Variants in SH3BGR observed in about 807,000 individuals in gnomAD.
SH3BGR encodes the protein SH3 domain-binding glutamic acid-rich protein.
A neutral mutation model predicts 24.5 loss-of-function variants in SH3BGR; 29 were observed. That is an observed-to-expected ratio of 1.18 (90% CI 0.88 to 1.61). The LOEUF is 1.61. Among genes scored for constraint, SH3BGR ranks in the 40% most tolerant of loss-of-function variants. The probability of loss-of-function intolerance (pLI) is 0.00; values close to 1 mark genes in which losing one functional copy is unlikely to be tolerated. For synonymous variants in SH3BGR, 55 were observed against 65.7 expected (o/e 0.84, Z 0.79); for missense variants, 162 against 205.8 (o/e 0.79, Z 1.30).
chr21:39,450,931 C>T (rs2077566252), upstream of SH3BGR, among the ~76,000 whole-genome samples: 1 of 151,994 alleles, frequency 6.6e-6, no homozygotes, highest in Non-Finnish European at 1.5e-5. Context: ...CTCAGCCTTC[C>T]AAGTCGCTGG....
chr21:39,470,597 A>G (rs940528234), intron 2 of SH3BGR, among the ~76,000 whole-genome samples: 1 of 152,070 alleles, frequency 6.6e-6, no homozygotes, highest in Non-Finnish European at 1.5e-5. Flanking sequence ...AGACACTTTC[A>G]CCCTAATCAC....
chr21:39,452,027 T>G lies in SH3BGR; in HGVS notation c.-70T>G. On this transcript the variant is annotated 5_prime_UTR_variant, in exon 1 of 7. Transcript: ENST00000333634. ...TGGCACTTGCTTGCCTGTGTCACTGTCAGGATTTGTCTAGCGGCGCATTCC... is the reference window on the plus strand; with the variant it reads ...TGGCACTTGCTTGCCTGTGTCACTGGCAGGATTTGTCTAGCGGCGCATTCC... The G allele has an allele frequency of 1.2e-6, 2 of 1,614,142 alleles. No homozygotes were observed. Among genetic ancestry groups the G allele is most frequent in the East Asian group, 4.5e-5 (2 of 44,876 alleles).
chr21:39,467,612 AAAT>A (rs1355457502), intron 2 of SH3BGR, among the ~76,000 whole-genome samples: 74 of 152,340 alleles, frequency 4.9e-4, no homozygotes, highest in African/African-American at 1.8e-3. Context: ...TGCAGGCTCA[AAAT>A]AATGTTAGTC....
At chr21:39,474,889 G>GT (rs1264100466) in intron 2 of SH3BGR, among the ~76,000 whole-genome samples, 5 of 35,152 alleles carry the variant, frequency 1.4e-4, no homozygotes, top group Non-Finnish European at 2.5e-4. Context: ...GCATGGGTAG[G>GT]GGTGTGTGTG....
intron 3 of SH3BGR, among the ~76,000 whole-genome samples, chr21:39,497,213 T>C (rs1459972990): frequency 6.6e-6 from 1 of 150,660 alleles, no homozygotes; most frequent in Non-Finnish European, 1.5e-5. Context: ...ATATATAGGA[T>C]AGTGTAGAAA....
chr21:39,455,302 C>T (rs1452277983), intron 1 of SH3BGR, among the ~76,000 whole-genome samples: 1 of 152,204 alleles, frequency 6.6e-6, no homozygotes, highest in Non-Finnish European at 1.5e-5. Context: ...CCAAAGGCTC[C>T]AAACAATGAC....
intron 1 of SH3BGR, among the ~76,000 whole-genome samples, chr21:39,460,755 A>T (rs1236190766): frequency 2.6e-5 from 4 of 152,128 alleles, no homozygotes; most frequent in Non-Finnish European, 5.9e-5. Flanking sequence ...GGTGTGAGCC[A>T]CCGCACCCAG....
chr21:39,496,266 C>CGAG (rs763990488), intron 3 of SH3BGR, among the ~76,000 whole-genome samples: 8 of 151,652 alleles, frequency 5.3e-5, no homozygotes, highest in Non-Finnish European at 1.0e-4. Flanking sequence ...TTTGGGAGGC[C>CGAG]GAGGCGGGTG....
chr21:39,469,713 G>A lies in SH3BGR; in HGVS notation c.232-5422G>A, dbSNP rs1324196291. On this transcript the variant is annotated intron_variant, in intron 2 of 6. Coordinates refer to ENST00000333634, the MANE Select transcript of SH3BGR (RefSeq NM_007341.3). Reference sequence around the variant, plus strand: ...TTGTTGCCCAGGCTGGAGTGCAGTGGCCCGATCTCAGCTCATTGCAACCTC... The same window carrying A: ...TTGTTGCCCAGGCTGGAGTGCAGTGACCCGATCTCAGCTCATTGCAACCTC... Among the ~76,000 whole-genome samples the A allele has an allele frequency of 2.0e-5, 3 of 151,796 alleles. No individual in the cohort carries two copies. In the East Asian group the frequency reaches 5.8e-4, roughly 29 times the overall value.
At chr21:39,514,640 G>C (rs1048849098) in intron 6 of SH3BGR, among the ~76,000 whole-genome samples, 2 of 152,140 alleles carry the variant, frequency 1.3e-5, no homozygotes, top group Non-Finnish European at 2.9e-5. Context: ...GGAATTACAG[G>C]CATGAACCAC....
At chr21:39,514,596 A>C (rs2078750981) in intron 6 of SH3BGR, among the ~76,000 whole-genome samples, 3 of 152,136 alleles carry the variant, frequency 2.0e-5, no homozygotes, top group African/African-American at 7.2e-5. Context: ...TCTTAGGCTC[A>C]AGTGCTCTGC....
intron 4 of SH3BGR, among the ~76,000 whole-genome samples, chr21:39,507,713 A>G (rs1023959578): frequency 5.3e-5 from 8 of 152,146 alleles, no homozygotes; most frequent in Non-Finnish European, 7.4e-5. Context: ...TGGCATGATC[A>G]TAGCTCACAG....
intron 3 of SH3BGR, among the ~76,000 whole-genome samples, chr21:39,496,111 ATAT>A (rs1201083119): frequency 6.9e-6 from 1 of 144,102 alleles, no homozygotes; most frequent in African/African-American, 2.4e-5. Context: ...TGTCATCACC[ATAT>A]TATTAAACAT....
chr21:39,482,158 A>C (rs2078140435), intron 3 of SH3BGR, among the ~76,000 whole-genome samples: 1 of 152,242 alleles, frequency 6.6e-6, no homozygotes, highest in Non-Finnish European at 1.5e-5. Flanking sequence ...CTCCAGCTCC[A>C]AGTTCTAGTC....
chr21:39,500,309 AGT>A lies in SH3BGR; in HGVS notation c.405+396_405+397del, dbSNP rs1202345644. ...CCCAGTGGGGAAATAGAGCTAAGGG[AGT>A]GCAGTATATCTGGCGGAAGACAAGA... On this transcript the variant is annotated intron_variant, in intron 4 of 6. Transcript: ENST00000333634. Among the ~76,000 whole-genome samples, 3 of 152,084 alleles carry A rather than the reference AGT, an allele frequency of 2.0e-5. No individual in the cohort carries two copies. In the East Asian group the frequency reaches 5.8e-4, roughly 29 times the overall value.
chr21:39,474,667 C>A (rs1162788198), intron 2 of SH3BGR, among the ~76,000 whole-genome samples: 2 of 152,104 alleles, frequency 1.3e-5, no homozygotes, highest in East Asian at 3.9e-4. Flanking sequence ...CTATGTCCCC[C>A]ATGGTCTTGT....
At chr21:39,462,290 T>C (rs1180346571) in intron 1 of SH3BGR, 85 bp from the exon 2 acceptor site, 3 of 933,464 alleles carry the variant, frequency 3.2e-6, no homozygotes, top group Non-Finnish European at 5.0e-6. Context: ...TGTTGTATAG[T>C]ATAACTAGAG....
chr21:39,472,109 T>A (rs1279868893), intron 2 of SH3BGR, among the ~76,000 whole-genome samples: 1 of 152,228 alleles, frequency 6.6e-6, no homozygotes, highest in Non-Finnish European at 1.5e-5. Flanking sequence ...GGCTTCAAAC[T>A]GCTCATTTTT....
intron 3 of SH3BGR, among the ~76,000 whole-genome samples, chr21:39,490,024 T>G (rs1569166395): frequency 6.6e-6 from 1 of 152,030 alleles, no homozygotes; most frequent in Non-Finnish European, 1.5e-5. Flanking sequence ...AGAAGGGAAA[T>G]AAGTGTAAGT....
Sources: allele counts gnomAD v4.1 joint callset (sites outside exome capture counted in the v4.1 genomes callset), GRCh38; gene constraint gnomAD v4.1.1; transcripts MANE v1.5; gene names NCBI Gene and HGNC (gene_info 2026-07-23, HGNC 2026-07-21).